Variants in USP43 observed in about 807,000 individuals in gnomAD.
The protein encoded by USP43 is ubiquitin carboxyl-terminal hydrolase 43.
A neutral mutation model predicts 90.7 loss-of-function variants in USP43; 33 were observed. The observed-to-expected ratio is 0.36, with a 90% CI of 0.28 to 0.49. USP43 has a LOEUF of 0.49. Among genes scored for constraint, USP43 ranks in the 20% least tolerant of loss-of-function variants. The pLI is 0.98. For synonymous variants in USP43, 598 were observed against 615.8 expected, an observed-to-expected ratio of 0.97 and a Z score of 0.43; for missense variants, 1,274 against 1,476.4, an observed-to-expected ratio of 0.86 and a Z score of 2.25.
At chr17:9,696,573 T>C (rs368599127) in intron 9 of USP43, among the ~76,000 whole-genome samples, 117 of 152,262 alleles carry the variant, frequency 7.7e-4, no homozygotes, top group African/African-American at 2.5e-3. Flanking sequence ...CACTGGTAAC[T>C]AAACACTTGC....
intron 5 of USP43, among the ~76,000 whole-genome samples, chr17:9,678,970 G>T (rs1913978532): frequency 6.6e-6 from 1 of 151,820 alleles, no homozygotes; most frequent in South Asian, 2.1e-4. Flanking sequence ...CAAGGATCTT[G>T]GTATGCATTA....
chr17:9,716,300 T>G (rs1016798442), intron 14 of USP43, among the ~76,000 whole-genome samples: 1 of 152,156 alleles, frequency 6.6e-6, no homozygotes, highest in Non-Finnish European at 1.5e-5. Flanking sequence ...ATTATATATA[T>G]AAGTATATGT....
chr17:9,705,257 TAAGTAA>T (rs1202327474), intron 12 of USP43, among the ~76,000 whole-genome samples: 2 of 151,888 alleles, frequency 1.3e-5, no homozygotes, highest in African/African-American at 4.8e-5. Flanking sequence ...CCCCCTAATT[TAAGTAA>T]AAGTACTATT....
intron 14 of USP43, among the ~76,000 whole-genome samples, chr17:9,724,808 T>G (rs935715516): frequency 6.6e-6 from 1 of 152,240 alleles, no homozygotes; most frequent in Non-Finnish European, 1.5e-5. Context: ...AGACAGTCCT[T>G]GGCACATGGC....
intron 7 of USP43, among the ~76,000 whole-genome samples, chr17:9,685,432 T>C (rs181467512): frequency 4.6e-5 from 7 of 152,294 alleles, no homozygotes; most frequent in African/African-American, 1.7e-4. Context: ...CCAACCAAAG[T>C]TGTGTCATCT....
intron 14 of USP43, among the ~76,000 whole-genome samples, chr17:9,722,670 C>T (rs991855927): frequency 2.0e-5 from 3 of 152,182 alleles, no homozygotes; most frequent in Non-Finnish European, 4.4e-5. Flanking sequence ...CTCTCTTTCA[C>T]CACTGTCTTC....
Position 9,728,491 on chromosome 17 carries a change from G to T in USP43, c.2873G>T (p.Ser958Ile). The T allele has an allele frequency of 6.2e-7, 1 of 1,613,802 alleles. No individual in the cohort carries two copies. The change falls in exon 15 of 15, where the codon AGC becomes ATC. Residue 958 changes from serine (S) to isoleucine (I), a missense_variant. By Grantham distance (142) the Ser-to-Ile change is moderately radical (BLOSUM62 -2). Around this residue, in one of 6 missense-constraint regions of USP43, gnomAD observed 353 missense variants for 329.7 expected, o/e 1.07. Coordinates refer to ENST00000285199, the MANE Select transcript of USP43 (RefSeq NM_153210.5). The surrounding 1 kb of genome is among the most constrained non-coding windows in gnomAD (Gnocchi z 6.2). ...EGQKAMNWKE[S>I]FQMGSKSSPP... ...CAGAAGGCCATGAACTGGAAGGAGA[G>T]CTTCCAGATGGGAAGCAAAAGCAGC...
chr17:9,714,378 A>T (rs899524561), intron 14 of USP43, among the ~76,000 whole-genome samples: 1 of 152,102 alleles, frequency 6.6e-6, no homozygotes. Context: ...CTGGGGAAAT[A>T]GTACAGATGA....
At chr17:9,697,098 T>C (rs189437254) in intron 9 of USP43, among the ~76,000 whole-genome samples, 3,071 of 152,220 alleles carry the variant, frequency 0.02, 95 homozygotes, top group African/African-American at 0.069. Context: ...ACACCTGTAA[T>C]CCCAGCTACT....
At chr17:9,704,609 G>T (rs893833098) in intron 12 of USP43, among the ~76,000 whole-genome samples, 1 of 152,154 alleles carries the variant, frequency 6.6e-6, no homozygotes, top group Non-Finnish European at 1.5e-5. Flanking sequence ...GAGCCACTGC[G>T]CCTGGCCTAG....
At chr17:9,712,309 C>G (rs2151995477) in intron 14 of USP43, among the ~76,000 whole-genome samples, 177 bp downstream of exon 14, 1 of 152,270 alleles carries the variant, frequency 6.6e-6, no homozygotes, top group South Asian at 2.1e-4. Context: ...CCCGCTTCTC[C>G]CCATCCTCTA....
Position 9,728,036 on chromosome 17 carries a change from G to A in USP43, c.2418G>A (p.Lys806=). The stretch of plus-strand genomic sequence containing the variant: ...AGGCACCCACCACTTCCCGAGCCAA[G>A]CAGGGACCATTCAAGACCATGCCTC... ...SMKAPTTSRA[K]QGPFKTMPLR... Residue 806 remains lysine (K), a synonymous_variant, in exon 15 of 15, where the codon AAG becomes AAA. Transcript: ENST00000285199. This position sits in a 1 kb window ranked among gnomAD's most constrained non-coding sequence, Gnocchi z 6.2. The A allele has an allele frequency of 6.2e-7, 1 of 1,613,932 alleles. No homozygotes were observed. The highest frequency in any genetic ancestry group is 8.5e-7 in the Non-Finnish European group (1 of 1,179,886).
At chr17:9,718,328 C>G in intron 14 of USP43, among the ~76,000 whole-genome samples, 1 of 152,148 alleles carries the variant, frequency 6.6e-6, no homozygotes, top group African/African-American at 2.4e-5. Context: ...ATGTACCAGA[C>G]TCTGGTTACA....
rs1912544089 is a variant in USP43 at position 9,660,117 on chromosome 17, A to G, written c.636+3583A>G. On this transcript the variant is annotated intron_variant, in intron 2 of 14. Coordinates refer to ENST00000285199, the MANE Select transcript of USP43 (RefSeq NM_153210.5). ...CACCACCCCCAGACCTTTCTTTAAG[A>G]TAATATTGTGTTTATTTAAGCCAAG... Among the ~76,000 whole-genome samples, 5 of 152,066 alleles carry G rather than the reference A, an allele frequency of 3.3e-5. No homozygotes were observed. In the South Asian group the frequency reaches 1.0e-3, roughly 32 times the overall value.
At chr17:9,708,178 CA>C (rs1417499527) in intron 12 of USP43, among the ~76,000 whole-genome samples, 8 of 152,150 alleles carry the variant, frequency 5.3e-5, no homozygotes, top group Non-Finnish European at 8.8e-5. Flanking sequence ...TGTAGCCATT[CA>C]GGGGTAATTG....
At chr17:9,657,829 G>A (rs1002543254) in intron 2 of USP43, among the ~76,000 whole-genome samples, 3 of 152,198 alleles carry the variant, frequency 2.0e-5, no homozygotes, top group Non-Finnish European at 4.4e-5. Context: ...TTTGAGATGA[G>A]ATTTGGGTGG....
At chr17:9,663,753 A>G (rs1912809381) in intron 2 of USP43, among the ~76,000 whole-genome samples, 1 of 151,880 alleles carries the variant, frequency 6.6e-6, no homozygotes, top group Admixed American at 6.6e-5. Flanking sequence ...CCTCCTGAGT[A>G]TGTGGGATTA....
At chr17:9,691,063 T>G (rs1188380381) in intron 8 of USP43, among the ~76,000 whole-genome samples, 1 of 152,138 alleles carries the variant, frequency 6.6e-6, no homozygotes, top group African/African-American at 2.4e-5. Flanking sequence ...AAATGTCATG[T>G]TTTCAAGGGT....
chr17:9,710,147 G>T, intron 13 of USP43, 33 bp downstream of exon 13: 2 of 1,402,614 alleles, frequency 1.4e-6, no homozygotes, highest in Non-Finnish European at 9.3e-7. Flanking sequence ...GGAGGGGGGT[G>T]TGGGGAAGTC....
Sources: allele counts gnomAD v4.1 joint callset (sites outside exome capture counted in the v4.1 genomes callset), GRCh38; gene constraint gnomAD v4.1.1; regional missense constraint gnomAD v4.1.1; non-coding constraint Gnocchi (gnomAD v3.1); transcripts MANE v1.5; gene names NCBI Gene and HGNC (gene_info 2026-07-23, HGNC 2026-07-21).